Variants in BIRC6 observed in about 807,000 individuals in gnomAD.
BIRC6 encodes the protein baculoviral IAP repeat containing 6.
In BIRC6, 98 loss-of-function variants were observed where a neutral mutation model predicts 503.3. The ratio of observed to expected loss-of-function variants is 0.19; its 90% CI spans 0.17 to 0.23. BIRC6 has a LOEUF of 0.23. Ranked by LOEUF, BIRC6 falls within the 10% of genes least tolerant of loss-of-function variation. The pLI is 1.00. For missense variants in BIRC6, 5,360 were observed against 5,806.0 expected (o/e 0.92, Z 2.50); for synonymous variants, 2,240 against 2,078.7 (o/e 1.08, Z -2.11).
In BIRC6 at chr2:32,429,198, A is replaced by G; in HGVS notation, c.2925A>G (p.Glu975=). 3 of 1,586,634 alleles carry G rather than the reference A, an allele frequency of 1.9e-6. No homozygotes were observed. Among genetic ancestry groups the G allele is most frequent in the Non-Finnish European group, 2.6e-6 (3 of 1,164,780 alleles). ...QIGGTCDDID[E]ADILVDGSLS... ...GAGGAACCTGTGATGATATTGATGA[A>G]GCTGATATACTAGTGGATGGATCTC... Residue 975 remains glutamate (E), a synonymous_variant, in exon 11 of 74, where the codon GAA becomes GAG. Transcript: ENST00000421745.
intron 65 of BIRC6, among the ~76,000 whole-genome samples, chr2:32,569,046 G>C (rs1195910373): frequency 6.7e-6 from 1 of 148,630 alleles, no homozygotes; most frequent in East Asian, 2.0e-4. Context: ...TGCAAGTGCA[G>C]TGGTGCGATC....
rs745529512 is a variant in BIRC6, at chr2:32,487,791, A to G, written c.7958A>G (p.His2653Arg). The change falls in exon 41 of 74, where the codon CAT (histidine) becomes CGT (arginine). Residue 2653 changes from histidine (H) to arginine (R), a missense_variant. Physicochemically the swap from His to Arg is conservative, Grantham distance 29 (BLOSUM62 0). Around this residue, in one of 16 missense-constraint regions of BIRC6, gnomAD observed 2,299 missense variants for 2,267.2 expected, o/e 1.01. Coordinates refer to ENST00000421745, the MANE Select transcript of BIRC6 (RefSeq NM_016252.4). ...AAACTTTTTTCCATGCTTCAAGTCC[A>G]TCATGTTCAGGTATGACTTCAGGAG... ...FNKLFSMLQV[H>R]HVQLESLLQL... 3 of 1,610,718 alleles carry G rather than the reference A, an allele frequency of 1.9e-6. No individual in the cohort carries two copies. The highest frequency in any genetic ancestry group is 2.2e-5 in the East Asian group (1 of 44,812).
chr2:32,376,565 C>A (rs2149351725), intron 1 of BIRC6, among the ~76,000 whole-genome samples: 1 of 152,138 alleles, frequency 6.6e-6, no homozygotes, highest in East Asian at 1.9e-4. Context: ...CAGTGACATA[C>A]TGTTTTCTTA....
chr2:32,550,005 T>C (rs1452281511), intron 65 of BIRC6, among the ~76,000 whole-genome samples: 1 of 152,212 alleles, frequency 6.6e-6, no homozygotes, highest in Non-Finnish European at 1.5e-5. Flanking sequence ...ATATAGTTTA[T>C]TATTTCCTTG....
chr2:32,417,803 CAG>C lies in BIRC6; in HGVS notation c.2872+1643_2872+1644del, dbSNP rs1193811808. ...TTATTTTTATTTTTTGTTTTTGAGACAGAGTCTCACCCTGTCAACAGGCTGGG... is the reference window on the plus strand; with the variant it reads ...TTATTTTTATTTTTTGTTTTTGAGACAGTCTCACCCTGTCAACAGGCTGGG... On this transcript the variant is annotated intron_variant, in intron 10 of 73. Transcript: ENST00000421745. 2.6e-5 allele frequency among the ~76,000 whole-genome samples: 4 copies of C among 152,186 alleles called. No homozygotes were observed. In the Middle Eastern group the frequency reaches 0.01, roughly 388 times the overall value.
At chr2:32,478,578 G>A (rs1483091946) in intron 35 of BIRC6, 57 bp from the exon 36 acceptor site, 6 of 1,474,028 alleles carry the variant, frequency 4.1e-6, no homozygotes, top group Non-Finnish European at 5.6e-6. Flanking sequence ...TTCTGTTAGT[G>A]TTTGAAAAAA....
In BIRC6 at chr2:32,389,558, T is replaced by G. The variant is rs963422213; in HGVS notation, c.839+615T>G. Among the ~76,000 whole-genome samples, 54 of 152,220 alleles carry G rather than the reference T, an allele frequency of 3.5e-4. 1 individual carries two copies. Among genetic ancestry groups the G allele is most frequent in the African/African-American group, 1.3e-3 (52 of 41,456 alleles). ...ATTAATTAAAAAACCAGTGACACAT[T>G]CATTTAAATACTTAAATGATTTGCT... On this transcript the variant is annotated intron_variant, in intron 4 of 73. Coordinates refer to ENST00000421745, the MANE Select transcript of BIRC6 (RefSeq NM_016252.4).
At chr2:32,456,536 A>G (rs894599594) in intron 23 of BIRC6, among the ~76,000 whole-genome samples, 2 of 152,224 alleles carry the variant, frequency 1.3e-5, no homozygotes, top group Non-Finnish European at 2.9e-5. Context: ...GTATTCATAT[A>G]TTCAGCTTCA....
chr2:32,593,105 A>T (rs1044435798), intron 66 of BIRC6, among the ~76,000 whole-genome samples: 1 of 152,224 alleles, frequency 6.6e-6, no homozygotes, highest in Non-Finnish European at 1.5e-5. Context: ...GTTTGTTTCA[A>T]ATGATCTATT....
In BIRC6 at chr2:32,531,343, T is replaced by C. The variant is rs2056737624; in HGVS notation, c.12095-12T>C. 6.3e-7 allele frequency: 1 copy of C among 1,589,910 alleles called. No individual in the cohort carries two copies. Among genetic ancestry groups the C allele is most frequent in the African/African-American group, 1.4e-5 (1 of 74,018 alleles). ...TTCTTACCTATTCAGTTATTTGTAA[T>C]TTATTGTCTAGATCATGGAGACTTA... On this transcript the variant is annotated splice_polypyrimidine_tract_variant and intron_variant, in intron 60 of 73. Transcript: ENST00000421745.
chr2:32,483,001 G>A (rs1413128779), intron 39 of BIRC6, among the ~76,000 whole-genome samples: 1 of 149,534 alleles, frequency 6.7e-6, no homozygotes, highest in Non-Finnish European at 1.5e-5. Context: ...CACCGCAACC[G>A]CTGCCTCCCA....
At chr2:32,503,850 T>G (rs1012142316) in intron 49 of BIRC6, among the ~76,000 whole-genome samples, 1 of 152,118 alleles carries the variant, frequency 6.6e-6, no homozygotes, top group Non-Finnish European at 1.5e-5. Flanking sequence ...TTAATCAATT[T>G]TAAATCTCAT....
At chr2:32,376,185 CAAAA>C (rs35262687) in intron 1 of BIRC6, among the ~76,000 whole-genome samples, 10 of 106,068 alleles carry the variant, frequency 9.4e-5, no homozygotes, top group African/African-American at 1.1e-4. Flanking sequence ...GACTCGGTCT[CAAAA>C]AAAAAAAAAA....
Position 32,558,250 on chromosome 2 carries a change from A to AGTAG in BIRC6, c.13144+8769_13144+8770insGTAG, listed in dbSNP as rs749248411. On this transcript the variant is annotated intron_variant, in intron 65 of 73. Coordinates refer to ENST00000421745, the MANE Select transcript of BIRC6 (RefSeq NM_016252.4). ...TCTGCCATTTACGTATTCTGTATTTACTTAGATACTTAAAAATTTTTACGT... is the reference window on the plus strand; with the variant it reads ...TCTGCCATTTACGTATTCTGTATTTAGTAGCTTAGATACTTAAAAATTTTTACGT... 9.0e-3 allele frequency among the ~76,000 whole-genome samples: 1,368 copies of AGTAG among 152,308 alleles called. 10 individuals carry two copies. The highest frequency in any genetic ancestry group is 0.02 in the Middle Eastern group (6 of 294).
chr2:32,424,340 A>T (rs1294940050), intron 10 of BIRC6, among the ~76,000 whole-genome samples: 2 of 152,064 alleles, frequency 1.3e-5, no homozygotes, highest in Non-Finnish European at 2.9e-5. Context: ...TGGAACTGTG[A>T]CTACTGTAAG....
At position 32,485,659 on chromosome 2, in the gene BIRC6, A is replaced by G. The variant is rs35893866; in HGVS notation, c.7713A>G (p.Leu2571=). ...VSVSQALDAR[L]EVGLEQQAEL... Reference sequence around the variant, plus strand: ...TTTTTGTAGCCCTGGATGCTCGCCTAGAAGTTGGACTTGAACAGCAAGCAG... The same window carrying G: ...TTTTTGTAGCCCTGGATGCTCGCCTGGAAGTTGGACTTGAACAGCAAGCAG... Residue 2571 remains leucine, a synonymous_variant, in exon 40 of 74, where the codon CTA becomes CTG. Coordinates refer to ENST00000421745, the MANE Select transcript of BIRC6 (RefSeq NM_016252.4). 7.3e-5 allele frequency: 117 copies of G among 1,612,940 alleles called. 1 individual carries two copies. The Middle Eastern group carries it at 6.4e-3, about 89-fold the overall frequency.
chr2:32,584,457 G>A (rs931269818), intron 66 of BIRC6, among the ~76,000 whole-genome samples: 7 of 152,030 alleles, frequency 4.6e-5, no homozygotes, highest in Non-Finnish European at 4.4e-5. Context: ...CGCTTCAACC[G>A]GGGAGGCGGA....
In BIRC6 at chr2:32,515,464, C is replaced by A; in HGVS notation, c.11043C>A (p.Asp3681Glu). 6.2e-7 allele frequency: 1 copy of A among 1,613,556 alleles called. No homozygotes were observed. Among genetic ancestry groups the A allele is most frequent in the Non-Finnish European group, 8.5e-7 (1 of 1,179,870 alleles). The part of the protein sequence containing the change: ...QQCNKMPITA[D>E]LVAPILRFLT... ...GTAATAAGATGCCTATCACAGCCGA[C>A]CTAGTTGCTCCTATTCTTAGGTTTT... Residue 3681 changes from aspartate (D) to glutamate (E), a missense_variant, in exon 55 of 74, where the codon GAC becomes GAA. By Grantham distance (45) the Asp-to-Glu change is conservative. Coordinates refer to ENST00000421745, the MANE Select transcript of BIRC6 (RefSeq NM_016252.4).
At chr2:32,514,233 A>G (rs1011774272) in intron 54 of BIRC6, among the ~76,000 whole-genome samples, 1 of 152,084 alleles carries the variant, frequency 6.6e-6, no homozygotes, top group Non-Finnish European at 1.5e-5. Context: ...AGGTGGGAGG[A>G]TCACTTGAAC....
Sources: allele counts gnomAD v4.1 joint callset (sites outside exome capture counted in the v4.1 genomes callset), GRCh38; gene constraint gnomAD v4.1.1; regional missense constraint gnomAD v4.1.1; transcripts MANE v1.5; gene names NCBI Gene and HGNC (gene_info 2026-07-23, HGNC 2026-07-21).